PLCE1: variants seen among roughly 807,000 people sequenced by gnomAD.
The protein encoded by PLCE1 is phospholipase C epsilon 1.
A neutral mutation model predicts 242.8 loss-of-function variants in PLCE1; 119 were observed. The ratio of observed to expected loss-of-function variants is 0.49; its 90% confidence interval spans 0.42 to 0.57. The LOEUF (loss-of-function observed/expected upper bound fraction) is 0.57. Among genes scored for constraint, PLCE1 ranks in the 20% least tolerant of loss-of-function variants. The pLI is 0.00. For missense variants in PLCE1, 2,441 were observed against 2,788.8 expected (o/e 0.88, Z 2.81); for synonymous variants, 945 against 1,017.4 (o/e 0.93, Z 1.35).
At chr10:94,235,669 TG>T in intron 6 of PLCE1, 1 of 946,930 alleles carries the variant, frequency 1.1e-6, no homozygotes, top group East Asian at 1.2e-4. Flanking sequence ...ATATTTTTTT[TG>T]TTTTAAATTT....
intron 1 of PLCE1, among the ~76,000 whole-genome samples, chr10:94,002,031 G>A (rs1370528608): frequency 6.6e-6 from 1 of 152,172 alleles, no homozygotes; most frequent in East Asian, 1.9e-4. Context: ...TACTGTGCTT[G>A]AGGTTTTTCT....
At chr10:94,282,361 T>G (rs2052267241) in intron 20 of PLCE1, among the ~76,000 whole-genome samples, 1 of 152,070 alleles carries the variant, frequency 6.6e-6, no homozygotes, top group African/African-American at 2.4e-5. Context: ...TTCTTAATAT[T>G]TTTCTCCCAA....
At chr10:94,203,303 C>G (rs758330287) in intron 4 of PLCE1, among the ~76,000 whole-genome samples, 6 of 152,134 alleles carry the variant, frequency 3.9e-5, no homozygotes, top group Admixed American at 6.5e-5. Flanking sequence ...TATCAGATCA[C>G]CCTGAATATT....
chr10:94,040,020 C>T (rs2061735559), intron 2 of PLCE1, among the ~76,000 whole-genome samples: 1 of 152,188 alleles, frequency 6.6e-6, no homozygotes, highest in Admixed American at 6.5e-5. Context: ...AGGAGGTTTA[C>T]AATTTTATTT....
chr10:94,147,541 A>T (rs1351545447), intron 3 of PLCE1, among the ~76,000 whole-genome samples: 2 of 152,166 alleles, frequency 1.3e-5, no homozygotes, highest in African/African-American at 4.8e-5. Context: ...TCATCCAGTA[A>T]ATAGTCAATT....
chr10:94,192,155 G>A (rs1164607650), intron 4 of PLCE1, among the ~76,000 whole-genome samples: 15 of 152,150 alleles, frequency 9.9e-5, no homozygotes, highest in Admixed American at 9.8e-4. Context: ...CACTTTTATG[G>A]TGAGAACTTT....
At chr10:93,999,445 AG>A (rs558651801) in intron 1 of PLCE1, among the ~76,000 whole-genome samples, 6 of 152,284 alleles carry the variant, frequency 3.9e-5, no homozygotes, top group Non-Finnish European at 7.4e-5. Flanking sequence ...CTACTCCCAA[AG>A]GCAGGCATTT....
Position 94,171,441 on chromosome 10 carries a change from C to G in PLCE1, c.1754C>G (p.Thr585Ser). The G allele has an allele frequency of 6.2e-7, 1 of 1,614,168 alleles. No individual in the cohort carries two copies. The highest frequency in any genetic ancestry group is 8.5e-7 in the Non-Finnish European group (1 of 1,179,994). ...LKASISASIL[T>S]TQNGEHNALE... The stretch of plus-strand genomic sequence containing the variant: ...GCATCCATCTCAGCGTCGATTCTTA[C>G]CACTCAGAATGGAGAGCACAATGCC... The change falls in exon 4 of 33, where the codon ACC (threonine) becomes AGC (serine). Residue 585 changes from threonine to serine, a missense_variant. Physicochemically the swap from Thr to Ser is moderately conservative, Grantham distance 58. Transcript: ENST00000371380.
At chr10:94,268,281 T>A (rs901785405) in intron 16 of PLCE1, among the ~76,000 whole-genome samples, 1 of 152,208 alleles carries the variant, frequency 6.6e-6, no homozygotes, top group Admixed American at 6.5e-5. Flanking sequence ...TGTGCCTAGC[T>A]TGATTACTGA....
chr10:94,141,945 C>G (rs1350811538), intron 3 of PLCE1, among the ~76,000 whole-genome samples: 5 of 152,224 alleles, frequency 3.3e-5, no homozygotes, highest in South Asian at 2.1e-4. Context: ...AAAAAACAAC[C>G]ATTAGATTCC....
chr10:94,242,198 G>A (rs2050528969), intron 7 of PLCE1, among the ~76,000 whole-genome samples: 1 of 152,132 alleles, frequency 6.6e-6, no homozygotes, highest in Admixed American at 6.5e-5. Flanking sequence ...AGACACAAAT[G>A]ATTTTTTTCT....
intron 2 of PLCE1, among the ~76,000 whole-genome samples, chr10:94,082,944 AT>A (rs1352884978): frequency 2.6e-5 from 4 of 152,238 alleles, no homozygotes; most frequent in Admixed American, 6.5e-5. Flanking sequence ...AAATACAGAG[AT>A]TTTTAGGTAT....
intron 4 of PLCE1, among the ~76,000 whole-genome samples, chr10:94,224,592 G>T (rs1478434333): frequency 1.3e-5 from 2 of 152,296 alleles, no homozygotes; most frequent in East Asian, 3.9e-4. Context: ...TTACTTTTCA[G>T]GATCTCATTT....
intron 24 of PLCE1, among the ~76,000 whole-genome samples, chr10:94,299,136 C>T (rs987310140): frequency 2.6e-5 from 4 of 152,072 alleles, no homozygotes; most frequent in Non-Finnish European, 4.4e-5. Flanking sequence ...GGTCAGTGCC[C>T]GAAGAGTAGC....
intron 4 of PLCE1, among the ~76,000 whole-genome samples, chr10:94,225,758 AT>A (rs951465801): frequency 1.3e-5 from 2 of 152,226 alleles, no homozygotes; most frequent in Non-Finnish European, 2.9e-5. Flanking sequence ...TGAGCCATAG[AT>A]TCTCGATCTG....
At chr10:94,018,151 T>C (rs968516951) in intron 1 of PLCE1, among the ~76,000 whole-genome samples, 1 of 152,200 alleles carries the variant, frequency 6.6e-6, no homozygotes, top group South Asian at 2.1e-4. Context: ...AATTTAAAAT[T>C]GCTTATAATA....
At chr10:94,106,024 T>G (rs1349235898) in intron 2 of PLCE1, 1 of 152,244 alleles carries the variant, frequency 6.6e-6, no homozygotes, top group Admixed American at 6.5e-5. Flanking sequence ...AAGTTACCTC[T>G]CTATGATCAC....
At chr10:94,205,953 C>T (rs532589007) in intron 4 of PLCE1, among the ~76,000 whole-genome samples, 6 of 152,166 alleles carry the variant, frequency 3.9e-5, no homozygotes, top group Non-Finnish European at 7.3e-5. Context: ...CTAGGCTCTA[C>T]GGATCCAGCA....
Position 94,078,698 on chromosome 10 carries a change from T to G in PLCE1, c.1206+46446T>G, listed in dbSNP as rs576721140. ...ACGAGTTTCACCATCTTGGCCAGGC[T>G]GGTCTTGAACTCCTGACCTCATGAA... On this transcript the variant is annotated intron_variant, in intron 2 of 32. Coordinates refer to ENST00000371380, the MANE Select transcript of PLCE1 (RefSeq NM_016341.4). Among the ~76,000 whole-genome samples, 9 of 152,300 alleles carry G rather than the reference T, an allele frequency of 5.9e-5. No homozygotes were observed. The South Asian group carries it at 1.9e-3, about 32-fold the overall frequency.
Sources: gnomAD v4.1 joint callset for allele counts (sites outside exome capture counted in the v4.1 genomes callset) on GRCh38, gnomAD v4.1.1 for gene constraint, MANE v1.5 for transcripts, NCBI Gene and HGNC (gene_info 2026-07-23, HGNC 2026-07-21) for gene names.